The following PTPRR variants were observed in gnomAD, a reference collection of about 807,000 sequenced individuals.
PTPRR encodes the protein protein tyrosine phosphatase receptor type R.
A neutral mutation model predicts 77.2 loss-of-function variants in PTPRR; 38 were observed. The observed-to-expected ratio is 0.49, with a 90% CI of 0.38 to 0.65. The LOEUF (loss-of-function observed/expected upper bound fraction) is 0.65. Among genes scored for constraint, PTPRR ranks in the 30% least tolerant of loss-of-function variants. PTPRR has a pLI of 0.00. For synonymous variants in PTPRR, 299 were observed against 283.1 expected (o/e 1.06, Z -0.57); for missense variants, 744 against 799.2 (o/e 0.93, Z 0.83).
intron 2 of PTPRR, among the ~76,000 whole-genome samples, chr12:70,845,077 G>A (rs1430283791): frequency 6.6e-6 from 1 of 152,104 alleles, no homozygotes; most frequent in African/African-American, 2.4e-5. Context: ...CATGGAAAAA[G>A]GAAGATTTGG....
chr12:70,754,877 A>G (rs1021679022), intron 4 of PTPRR: 16 of 663,078 alleles, frequency 2.4e-5, no homozygotes, highest in Admixed American at 3.5e-5. Flanking sequence ...TCAAGAATAC[A>G]TATTGTTAGA....
intron 6 of PTPRR, among the ~76,000 whole-genome samples, chr12:70,702,104 G>A (rs1187218597): frequency 6.6e-6 from 1 of 152,100 alleles, no homozygotes; most frequent in Non-Finnish European, 1.5e-5. Flanking sequence ...AAACTTATAA[G>A]GGGCCATAGA....
intron 8 of PTPRR, among the ~76,000 whole-genome samples, chr12:70,696,427 A>G (rs1888235704): frequency 6.6e-6 from 1 of 152,264 alleles, no homozygotes; most frequent in Non-Finnish European, 1.5e-5. Context: ...TTTCACATAT[A>G]GTAGTGGTTC....
At chr12:70,673,301 C>G (rs1471033089) in intron 10 of PTPRR, among the ~76,000 whole-genome samples, 1 of 152,172 alleles carries the variant, frequency 6.6e-6, no homozygotes, top group Admixed American at 6.5e-5. Context: ...AGGTAAAGCA[C>G]TAAAGGCACA....
intron 2 of PTPRR, among the ~76,000 whole-genome samples, chr12:70,765,847 G>T (rs146303531): frequency 0.01 from 1,597 of 152,228 alleles, 29 homozygotes; most frequent in African/African-American, 0.036. Context: ...AGCAGCATTC[G>T]CAGTTCACAA....
chr12:70,826,191 A>G (rs148553467), intron 2 of PTPRR, among the ~76,000 whole-genome samples: 1 of 152,214 alleles, frequency 6.6e-6, no homozygotes, highest in Admixed American at 6.5e-5. Context: ...TCAAAATCCT[A>G]GATTATTACT....
intron 1 of PTPRR, among the ~76,000 whole-genome samples, chr12:70,895,148 G>T (rs1018897136): frequency 1.3e-5 from 2 of 151,600 alleles, no homozygotes; most frequent in African/African-American, 4.8e-5. Context: ...GTCACACAAG[G>T]CTTGATGGAA....
chr12:70,902,793 G>A (rs12308543), intron 1 of PTPRR, among the ~76,000 whole-genome samples: 39,298 of 151,480 alleles, frequency 0.26, 5,773 homozygotes, highest in East Asian at 0.48. Flanking sequence ...GTACATACTG[G>A]TTGGGTGATG....
intron 2 of PTPRR, among the ~76,000 whole-genome samples, chr12:70,766,000 A>T (rs1260677622): frequency 6.6e-6 from 1 of 152,174 alleles, no homozygotes; most frequent in Admixed American, 6.5e-5. Flanking sequence ...CATCCACACC[A>T]AAAACCCATG....
At chr12:70,694,820 T>C (rs558443243) in intron 8 of PTPRR, among the ~76,000 whole-genome samples, 26 of 152,290 alleles carry the variant, frequency 1.7e-4, no homozygotes, top group African/African-American at 6.0e-4. Context: ...AAATAAAAAA[T>C]TTAAACTTAT....
intron 2 of PTPRR, among the ~76,000 whole-genome samples, chr12:70,787,235 A>G (rs1284855847): frequency 1.3e-5 from 2 of 152,190 alleles, no homozygotes; most frequent in Admixed American, 6.5e-5. Context: ...ACTATGTCTG[A>G]TCTAATTATT....
At chr12:70,750,641 T>C (rs979483266) in intron 5 of PTPRR, among the ~76,000 whole-genome samples, 8 of 152,230 alleles carry the variant, frequency 5.3e-5, no homozygotes, top group African/African-American at 1.9e-4. Context: ...CTTGGCTTTG[T>C]GCTAATCCTA....
rs1566047072 is a variant in PTPRR at position 70,656,749 on chromosome 12, C to T, written c.1835G>A (p.Gly612Glu). The T allele has an allele frequency of 6.2e-7, 1 of 1,613,994 alleles. No homozygotes were observed. The highest frequency in any genetic ancestry group is 1.7e-5 in the Admixed American group (1 of 60,020). The change falls in exon 13 of 14, where the codon GGA becomes GAA. Residue 612 changes from glycine (G) to glutamate (E), a missense_variant. This residue lies in a region of PTPRR where 170 missense variants were observed against 209.8 expected (regional missense o/e 0.81). Transcript: ENST00000283228. ...SIGCQQLKEE[G>E]VVDALSIVCQ... ...GACAATGCTTAGTGCATCCACAACT[C>T]CTTCTTCTTTCAGCTGTTGACAGCC... is the stretch of plus-strand genomic sequence containing the variant.
intron 2 of PTPRR, among the ~76,000 whole-genome samples, chr12:70,804,782 C>A (rs1891680190): frequency 6.6e-6 from 1 of 152,168 alleles, no homozygotes; most frequent in African/African-American, 2.4e-5. Context: ...CTGTTGACAG[C>A]CTTGATGAAC....
chr12:70,784,009 A>G (rs1891266115), intron 2 of PTPRR, among the ~76,000 whole-genome samples: 1 of 152,122 alleles, frequency 6.6e-6, no homozygotes, highest in Non-Finnish European at 1.5e-5. Context: ...AAGCCCGGCA[A>G]CAGAGACAGG....
intron 10 of PTPRR, among the ~76,000 whole-genome samples, chr12:70,678,807 G>A (rs1217229891): frequency 1.3e-5 from 2 of 151,880 alleles, no homozygotes; most frequent in African/African-American, 2.4e-5. Context: ...TCAGCCTCCC[G>A]AGTACCTGAG....
At chr12:70,795,987 G>A (rs911628884) in intron 2 of PTPRR, among the ~76,000 whole-genome samples, 13 of 139,270 alleles carry the variant, frequency 9.3e-5, no homozygotes, top group Non-Finnish European at 1.5e-4. Context: ...GCAGTGGTGC[G>A]ATCTCGGTTC....
chr12:70,849,506 A>G (rs1892539143), intron 2 of PTPRR, among the ~76,000 whole-genome samples: 1 of 152,226 alleles, frequency 6.6e-6, no homozygotes, highest in Non-Finnish European at 1.5e-5. Context: ...TTAACATAGC[A>G]TGGCACTTCT....
In PTPRR at chr12:70,849,496, T is replaced by C. The variant is rs76204939; in HGVS notation, c.357+43183A>G. Reference sequence around the variant, plus strand: ...TCAACTCAACTACCAGTTTCTTTCATTAACATAGCATGGCACTTCTTTCTG... The same window carrying C: ...TCAACTCAACTACCAGTTTCTTTCACTAACATAGCATGGCACTTCTTTCTG... On this transcript the variant is annotated intron_variant, in intron 2 of 13. Coordinates refer to ENST00000283228, the MANE Select transcript of PTPRR (RefSeq NM_002849.4). 6.5e-3 allele frequency among the ~76,000 whole-genome samples: 991 copies of C among 152,350 alleles called. 7 individuals are homozygous for C. Among genetic ancestry groups the C allele is most frequent in the Non-Finnish European group, 9.8e-3 (669 of 68,026 alleles).
Sources: allele counts gnomAD v4.1 joint callset (sites outside exome capture counted in the v4.1 genomes callset), GRCh38; gene constraint gnomAD v4.1.1; regional missense constraint gnomAD v4.1.1; transcripts MANE v1.5; gene names NCBI Gene and HGNC (gene_info 2026-07-23, HGNC 2026-07-21).